The following DENND2B variants were observed in gnomAD, a reference collection of about 807,000 sequenced individuals.
DENND2B encodes DENN domain-containing protein 2B.
In DENND2B, 32 loss-of-function variants were observed where a neutral mutation model predicts 116.0. The ratio of observed to expected loss-of-function variants is 0.28; its 90% CI spans 0.21 to 0.37. DENND2B has a LOEUF of 0.37. Among genes scored for constraint, DENND2B ranks in the 10% least tolerant of loss-of-function variants. The pLI, the probability that DENND2B is intolerant of heterozygous loss-of-function variation, is 1.00. For missense variants in DENND2B, 1,276 were observed against 1,477.7 expected, an observed-to-expected ratio of 0.86 and a Z score of 2.24; for synonymous variants, 588 against 583.9, an observed-to-expected ratio of 1.01 and a Z score of -0.10.
At chr11:8,703,318 T>A (rs2042036298) in intron 13 of DENND2B, 1 of 146,542 alleles carries the variant, frequency 6.8e-6, no homozygotes, top group Non-Finnish European at 1.5e-5. Context: ...AAGGAAAACA[T>A]AAGCAAAGGG....
upstream of DENND2B, chr11:8,811,143 C>T (rs1396747950): frequency 7.6e-6 from 3 of 395,286 alleles, no homozygotes; most frequent in African/African-American, 2.1e-5. Flanking sequence ...GACCCTGATG[C>T]GCTGCCTTGA....
intron 1 of DENND2B, among the ~76,000 whole-genome samples, chr11:8,892,552 T>C (rs1170214154): frequency 3.9e-5 from 6 of 151,994 alleles, no homozygotes; most frequent in Non-Finnish European, 8.8e-5. Flanking sequence ...CAATAAAAAA[T>C]GATAAAGGGG....
At chr11:8,755,830 G>GTGATGA (rs201693983) in intron 1 of DENND2B, among the ~76,000 whole-genome samples, 10 of 152,018 alleles carry the variant, frequency 6.6e-5, no homozygotes, top group Non-Finnish European at 1.2e-4. Flanking sequence ...ATTAGTGATG[G>GTGATGA]TGATGATGAT....
chr11:8,747,767 G>C (rs1275961625), intron 2 of DENND2B, among the ~76,000 whole-genome samples: 2 of 152,198 alleles, frequency 1.3e-5, no homozygotes, highest in African/African-American at 4.8e-5. Flanking sequence ...GAACAAAACT[G>C]AGGCAGTCAC....
At chr11:8,724,460 A>G (rs369365813) in intron 4 of DENND2B, among the ~76,000 whole-genome samples, 93 of 152,104 alleles carry the variant, frequency 6.1e-4, no homozygotes, top group African/African-American at 1.9e-3. Context: ...CAGGCAGCAC[A>G]CAGCCTCTCT....
At chr11:8,718,183 C>T (rs2045397826) in intron 4 of DENND2B, 1 of 622,898 alleles carries the variant, frequency 1.6e-6, no homozygotes, top group African/African-American at 1.9e-5. Flanking sequence ...AAGACTGGCT[C>T]AGCCACCCCT....
rs2047949660 is a variant in DENND2B, at chr11:8,730,546, A to C, written c.744T>G (p.Pro248=). ...CCAGCCGGTAGAAAGAGTCCCGGAC[A>C]GGGAGCGCCTCTCCCTCCTCCTCAG... ...PETEEEGEAL[P]VRDSFYRLEK... The change falls in exon 3 of 20, where the codon CCT becomes CCG. Residue 248 remains proline, a synonymous_variant. Transcript: ENST00000313726. This position sits in a 1 kb window ranked among gnomAD's most constrained non-coding sequence, Gnocchi z 4.1. The C allele has an allele frequency of 6.2e-7, 1 of 1,613,224 alleles. No individual in the cohort carries two copies. Among genetic ancestry groups the C allele is most frequent in the Non-Finnish European group, 8.5e-7 (1 of 1,180,020 alleles).
intron 1 of DENND2B, among the ~76,000 whole-genome samples, chr11:8,799,229 T>G (rs2060098198): frequency 6.6e-6 from 1 of 152,168 alleles, no homozygotes; most frequent in South Asian, 2.1e-4. Flanking sequence ...TCTTCACAAC[T>G]GGCTCTCCCA....
intron 1 of DENND2B, among the ~76,000 whole-genome samples, chr11:8,758,072 C>T (rs1017950652): frequency 6.6e-5 from 10 of 152,170 alleles, no homozygotes; most frequent in African/African-American, 2.4e-4. Context: ...CCAGGCCCCA[C>T]CTACTGAACG....
chr11:8,714,797 A>C, intron 6 of DENND2B, 91 bp from the exon 7 acceptor site: 1 of 1,112,732 alleles, frequency 9.0e-7, no homozygotes. Flanking sequence ...CCTGCCCTTA[A>C]TGGTACAAGC....
chr11:8,700,422 TCAG>T (rs1184372839), intron 14 of DENND2B, among the ~76,000 whole-genome samples: 1 of 152,226 alleles, frequency 6.6e-6, no homozygotes, highest in Non-Finnish European at 1.5e-5. Flanking sequence ...TATGGAAAAG[TCAG>T]CAGCTCTGGT....
chr11:8,755,525 G>C (rs1367931586), intron 1 of DENND2B, among the ~76,000 whole-genome samples: 1 of 152,148 alleles, frequency 6.6e-6, no homozygotes. Context: ...CCAGTAGGCA[G>C]GGGATGATTA....
intron 2 of DENND2B, among the ~76,000 whole-genome samples, chr11:8,743,981 G>A (rs543581370): frequency 6.6e-6 from 1 of 151,320 alleles, no homozygotes; most frequent in East Asian, 2.0e-4. Context: ...ACTCCTGAGT[G>A]CAAGCAATCC....
At chr11:8,836,413 C>CTTTTTTTTTTTTTTTTTTTTTTTTT in intron 4 of DENND2B, among the ~76,000 whole-genome samples, 1 of 77,550 alleles carries the variant, frequency 1.3e-5, no homozygotes, top group Non-Finnish European at 2.5e-5. Flanking sequence ...TTCTGTACTT[C>CTTTTTTTTTTTTTTTTTTTTTTTTT]TTTTTTTTTT....
chr11:8,829,851 A>G (rs1392439119), intron 4 of DENND2B, among the ~76,000 whole-genome samples: 1 of 152,180 alleles, frequency 6.6e-6, no homozygotes, highest in Non-Finnish European at 1.5e-5. Flanking sequence ...GAGCCCAGAC[A>G]ATGCTCTGCT....
intron 1 of DENND2B, among the ~76,000 whole-genome samples, chr11:8,780,983 C>A (rs71475002): frequency 6.6e-6 from 1 of 151,820 alleles, no homozygotes; most frequent in Non-Finnish European, 1.5e-5. Flanking sequence ...GAGGGGACAG[C>A]GAAGGAGTGG....
intron 1 of DENND2B, among the ~76,000 whole-genome samples, chr11:8,802,521 G>T (rs1216827880): frequency 6.6e-6 from 1 of 152,144 alleles, no homozygotes; most frequent in Non-Finnish European, 1.5e-5. Context: ...CAAGGTTACA[G>T]AGCTATTAGG....
intron 2 of DENND2B, among the ~76,000 whole-genome samples, chr11:8,863,488 C>T (rs116999422): frequency 0.021 from 3,145 of 152,138 alleles, 44 homozygotes; most frequent in Middle Eastern, 0.034. Flanking sequence ...TCGCCTCGGC[C>T]TCCTAAAGTG....
rs1179845250 is a variant in DENND2B, at chr11:8,712,446, G to C, written c.2172+105C>G. 1 of 1,291,934 alleles carries C rather than the reference G, an allele frequency of 7.7e-7. No homozygotes were observed. The highest frequency in any genetic ancestry group is 2.5e-5 in the Admixed American group (1 of 40,140). 80.0% of individuals were successfully genotyped at this position (1,291,934 alleles called of 1,614,324 possible). A position where few individuals can be genotyped will look rare whatever the true frequency, so the allele number is the denominator to read the frequency against. ...AGGTTCAGGGCTGTGGCAGCTCGGT[G>C]AGGACGTATGACGAACAAGATCTCT... On this transcript the variant is annotated intron_variant, in intron 9 of 19. Coordinates refer to ENST00000313726, the MANE Select transcript of DENND2B (RefSeq NM_213618.2). This position sits in a 1 kb window ranked among gnomAD's most constrained non-coding sequence, Gnocchi z 4.4.
Sources: allele counts gnomAD v4.1 joint callset (sites outside exome capture counted in the v4.1 genomes callset), GRCh38; gene constraint gnomAD v4.1.1; non-coding constraint Gnocchi (gnomAD v3.1); transcripts MANE v1.5; gene names NCBI Gene and HGNC (gene_info 2026-07-23, HGNC 2026-07-21).